SLC16A12: variants seen among roughly 807,000 people sequenced by gnomAD.
SLC16A12 encodes the protein monocarboxylate transporter 12.
A neutral mutation model predicts 42.4 loss-of-function variants in SLC16A12; 17 were observed. That is an observed-to-expected ratio of 0.40 (90% CI 0.27 to 0.60). The LOEUF is 0.60. Ranked by LOEUF, SLC16A12 falls within the 20% of genes least tolerant of loss-of-function variation. The pLI is 0.42. For missense variants in SLC16A12, 544 were observed against 623.0 expected (o/e 0.87, Z 1.35); for synonymous variants, 224 against 229.4 (o/e 0.98, Z 0.21).
intron 2 of SLC16A12, among the ~76,000 whole-genome samples, chr10:89,495,657 T>C (rs1589705714): frequency 6.6e-6 from 1 of 152,224 alleles, no homozygotes; most frequent in East Asian, 1.9e-4. Flanking sequence ...TAGCCTGTAG[T>C]TGGGCAAACT....
At chr10:89,517,328 T>C (rs1335680902) in intron 2 of SLC16A12, among the ~76,000 whole-genome samples, 3 of 152,098 alleles carry the variant, frequency 2.0e-5, no homozygotes, top group African/African-American at 7.2e-5. Flanking sequence ...TTCTTTTTTT[T>C]TTAAGAGACA....
intron 2 of SLC16A12, among the ~76,000 whole-genome samples, chr10:89,506,495 A>C (rs1589713713): frequency 6.6e-6 from 1 of 152,328 alleles, no homozygotes; most frequent in Middle Eastern, 3.4e-3. Flanking sequence ...GACTGTTAGA[A>C]GGAAAATTAA....
At chr10:89,520,240 T>C (rs1255802126) in intron 2 of SLC16A12, among the ~76,000 whole-genome samples, 2 of 152,100 alleles carry the variant, frequency 1.3e-5, no homozygotes, top group Non-Finnish European at 2.9e-5. Context: ...GTTCAAACCC[T>C]TTGACCCACC....
intron 2 of SLC16A12, among the ~76,000 whole-genome samples, chr10:89,489,058 AAC>A (rs1173880326): frequency 2.6e-5 from 4 of 152,224 alleles, no homozygotes; most frequent in Non-Finnish European, 2.9e-5. Context: ...GGCATATTAT[AAC>A]ACATAACCAT....
chr10:89,449,331 G>C (rs1842054505), intron 3 of SLC16A12, among the ~76,000 whole-genome samples: 1 of 152,136 alleles, frequency 6.6e-6, no homozygotes, highest in Non-Finnish European at 1.5e-5. Flanking sequence ...CAAAGCTGGA[G>C]GCATCATGCT....
chr10:89,442,056 T>C (rs1343582149), intron 4 of SLC16A12, among the ~76,000 whole-genome samples: 1 of 152,210 alleles, frequency 6.6e-6, no homozygotes, highest in African/African-American at 2.4e-5. Flanking sequence ...CATGTGAATT[T>C]CCTTCTAAGG....
chr10:89,430,631 G>A lies in SLC16A12; in HGVS notation c.*2433C>T, dbSNP rs974924823. The A allele has an allele frequency of 4.3e-6, 2 of 465,332 alleles. No individual in the cohort carries two copies. Among genetic ancestry groups the A allele is most frequent in the African/African-American group, 4.0e-5 (2 of 49,798 alleles). 28.8% of individuals were successfully genotyped at this position (465,332 alleles called of 1,614,324 possible). A position where few individuals can be genotyped will look rare whatever the true frequency, so the allele number is the denominator to read the frequency against. On this transcript the variant is annotated 3_prime_UTR_variant, in exon 8 of 8. Coordinates refer to ENST00000371790, the MANE Select transcript of SLC16A12 (RefSeq NM_213606.4). ...AAATTCTGTGTAGAAATGTAAAATA[G>A]TAGACCTTAAGATGTACATTTTTCT... is the stretch of plus-strand genomic sequence containing the variant.
chr10:89,554,730 A>T (rs1464005946), intron 2 of SLC16A12, among the ~76,000 whole-genome samples: 1 of 152,184 alleles, frequency 6.6e-6, no homozygotes, highest in Non-Finnish European at 1.5e-5. Flanking sequence ...GCCTGAGCTG[A>T]TGAGATGGGA....
chr10:89,555,179 T>C (rs1476135284), intron 2 of SLC16A12, among the ~76,000 whole-genome samples: 2 of 138,752 alleles, frequency 1.4e-5, no homozygotes, highest in East Asian at 2.0e-4. Flanking sequence ...CAATATCTTC[T>C]TTTTTTTTTC....
rs1465799835 is a variant in SLC16A12, at chr10:89,432,862, C to T, written c.*202G>A. 7 of 681,652 alleles carry T rather than the reference C, an allele frequency of 1.0e-5. No homozygotes were observed. Among genetic ancestry groups the T allele is most frequent in the Non-Finnish European group, 1.2e-5 (5 of 429,156 alleles). 42.2% of individuals were successfully genotyped at this position (681,652 alleles called of 1,614,324 possible). The stretch of plus-strand genomic sequence containing the variant: ...ACGAGTTCAGTTATGAGCACAAATC[C>T]CAAATGAGAAGGCTCTGGGCTAGTC... On this transcript the variant is annotated 3_prime_UTR_variant, in exon 8 of 8. Coordinates refer to ENST00000371790, the MANE Select transcript of SLC16A12 (RefSeq NM_213606.4).
At chr10:89,526,974 A>G (rs1843463712) in intron 2 of SLC16A12, among the ~76,000 whole-genome samples, 1 of 152,172 alleles carries the variant, frequency 6.6e-6, no homozygotes, top group African/African-American at 2.4e-5. Flanking sequence ...GCCCTGTAAC[A>G]CAGCTCCAGA....
At chr10:89,483,670 T>C (rs1364983418) in intron 2 of SLC16A12, among the ~76,000 whole-genome samples, 1 of 147,850 alleles carries the variant, frequency 6.8e-6, no homozygotes, top group African/African-American at 2.5e-5. Flanking sequence ...GAGGCTGTAG[T>C]GCATTATAAT....
In SLC16A12 at chr10:89,436,102, A is replaced by G; in HGVS notation, c.1246T>C (p.Phe416Leu). The G allele has an allele frequency of 5.6e-6, 9 of 1,613,964 alleles. No individual in the cohort carries two copies. The highest frequency in any genetic ancestry group is 7.6e-6 in the Non-Finnish European group (9 of 1,179,946). ...ACCAAGTATGGCACTGCGTGAAGGAAGTATACCACACCAAGCGCTGATGAC... is the reference window on the plus strand; with the variant it reads ...ACCAAGTATGGCACTGCGTGAAGGAGGTATACCACACCAAGCGCTGATGAC... ...SLSSALGVVY[F>L]LHAVPYLVSP... is the part of the protein sequence containing the mutation. Residue 416 changes from phenylalanine to leucine, a missense_variant, in exon 7 of 8, where the codon TTC becomes CTC. Coordinates refer to ENST00000371790, the MANE Select transcript of SLC16A12 (RefSeq NM_213606.4).
At chr10:89,435,523 A>G (rs1320974416) in intron 7 of SLC16A12, among the ~76,000 whole-genome samples, 2 of 152,238 alleles carry the variant, frequency 1.3e-5, no homozygotes, top group African/African-American at 4.8e-5. Context: ...CTCCTAAGTT[A>G]CTAGATCAAT....
intron 2 of SLC16A12, among the ~76,000 whole-genome samples, chr10:89,489,007 C>T (rs1318006430): frequency 6.6e-6 from 1 of 152,070 alleles, no homozygotes; most frequent in East Asian, 1.9e-4. Flanking sequence ...ATTTTTTGTA[C>T]TTGTACATTT....
chr10:89,521,096 T>C (rs1843344862), intron 2 of SLC16A12, among the ~76,000 whole-genome samples: 1 of 152,234 alleles, frequency 6.6e-6, no homozygotes, highest in Non-Finnish European at 1.5e-5. Context: ...AGGTGATATC[T>C]GTCCAAGTGC....
chr10:89,505,748 C>T (rs551304970), intron 2 of SLC16A12, among the ~76,000 whole-genome samples: 9 of 152,270 alleles, frequency 5.9e-5, no homozygotes, highest in South Asian at 4.1e-4. Flanking sequence ...CCATGGTCTT[C>T]GCAACCGGAA....
chr10:89,518,266 T>C (rs1253446225), intron 2 of SLC16A12, among the ~76,000 whole-genome samples: 2 of 152,138 alleles, frequency 1.3e-5, no homozygotes, highest in East Asian at 1.9e-4. Flanking sequence ...TCCCAAAAGG[T>C]TGGCTGCCAG....
intron 2 of SLC16A12, among the ~76,000 whole-genome samples, chr10:89,493,993 A>G (rs921531154): frequency 6.6e-6 from 1 of 152,224 alleles, no homozygotes; most frequent in African/African-American, 2.4e-5. Flanking sequence ...TATTAGAAAT[A>G]AAGAAAACTG....
Sources: gnomAD v4.1 joint callset for allele counts (sites outside exome capture counted in the v4.1 genomes callset) on GRCh38, gnomAD v4.1.1 for gene constraint, MANE v1.5 for transcripts, NCBI Gene and HGNC (gene_info 2026-07-23, HGNC 2026-07-21) for gene names.